FAS: variants seen among roughly 807,000 people sequenced by gnomAD.
FAS encodes tumor necrosis factor receptor superfamily member 6.
A neutral mutation model predicts 33.2 loss-of-function variants in FAS; 5 were observed. The observed-to-expected ratio is 0.15, with a 90% CI of 0.08 to 0.32. The LOEUF is 0.32. FAS is among the 10% of genes least tolerant of loss of function. The probability of loss-of-function intolerance (pLI) is 1.00; values close to 1 mark genes in which losing one functional copy is unlikely to be tolerated. For synonymous variants in FAS, 131 were observed against 130.7 expected (o/e 1.00, Z -0.01); for missense variants, 339 against 386.0 (o/e 0.88, Z 1.02).
chr10:88,973,194 C>T (rs561362397), exon 2 of FAS: 3 of 1,612,226 alleles, frequency 1.9e-6, no homozygotes, highest in South Asian at 1.1e-5. Context: ...TCAGAAATTC[C>T]TTTCTGGGAT....
At chr10:88,989,473 T>C, upstream of FAS, 1 of 543,090 alleles carries the variant, frequency 1.8e-6, no homozygotes, top group South Asian at 1.4e-5. Flanking sequence ...TATTAGATGC[T>C]CAGAGTGTGT....
At chr10:88,997,787 G>A (rs1847687456) in intron 1 of FAS, among the ~76,000 whole-genome samples, 1 of 152,156 alleles carries the variant, frequency 6.6e-6, no homozygotes, top group Non-Finnish European at 1.5e-5. Context: ...AAGCAGACAA[G>A]CAGAATTAGT....
At chr10:88,996,144 A>G (rs967473470) in intron 1 of FAS, among the ~76,000 whole-genome samples, 8 of 152,200 alleles carry the variant, frequency 5.3e-5, no homozygotes, top group Non-Finnish European at 1.0e-4. Flanking sequence ...TTGTGAGGGC[A>G]GATATCTTGA....
At chr10:88,993,109 C>T (rs1336631033) in intron 1 of FAS, among the ~76,000 whole-genome samples, 1 of 152,188 alleles carries the variant, frequency 6.6e-6, no homozygotes, top group Non-Finnish European at 1.5e-5. Flanking sequence ...CATCCTTAAC[C>T]CCTTTTGCTT....
intron 1 of FAS, chr10:88,991,219 G>C: frequency 1.8e-6 from 1 of 542,258 alleles, no homozygotes; most frequent in South Asian, 2.0e-5. Flanking sequence ...TGAGGTGGGC[G>C]TGGGGTGCGG....
intron 1 of FAS, among the ~76,000 whole-genome samples, chr10:88,995,494 C>G (rs563243644): frequency 6.6e-6 from 1 of 152,090 alleles, no homozygotes; most frequent in African/African-American, 2.4e-5. Flanking sequence ...AGCCTGAGTC[C>G]CACTAAGTAG....
intron 7 of FAS, 106 bp from the exon 8 acceptor site, chr10:89,013,237 G>C: frequency 1.9e-6 from 2 of 1,077,158 alleles, no homozygotes; most frequent in Non-Finnish European, 2.8e-6. Context: ...TCAAGCAACT[G>C]ATTGTACTTC....
Position 89,014,649 on chromosome 10 carries a change from A to G in FAS, c.*199A>G. The G allele has an allele frequency of 1.4e-6, 1 of 707,572 alleles. No homozygotes were observed. 43.8% of individuals were successfully genotyped at this position (707,572 alleles called of 1,614,324 possible). On this transcript the variant is annotated 3_prime_UTR_variant, in exon 9 of 9. Coordinates refer to ENST00000652046, the MANE Select transcript of FAS (RefSeq NM_000043.6). ...ATGTTTAAAATCTAGTTGGGAAAAC[A>G]AACTTCATCAAGAGTAAATGCAGTG...
chr10:89,009,465 A>C (rs972542272), intron 4 of FAS, among the ~76,000 whole-genome samples: 1 of 152,256 alleles, frequency 6.6e-6, no homozygotes, highest in Non-Finnish European at 1.5e-5. Flanking sequence ...CATTATAGGC[A>C]GGGAAACAGC....
At chr10:88,988,427 TTTTTGTTTTG>T (rs1224526767), upstream of FAS, among the ~76,000 whole-genome samples, 4 of 9,566 alleles carry the variant, frequency 4.2e-4, no homozygotes, top group East Asian at 2.7e-3. Context: ...TTTTTTTTTT[TTTTTGTTTTG>T]TTTTTTATCT....
At chr10:88,997,821 C>A (rs2133437403) in intron 1 of FAS, among the ~76,000 whole-genome samples, 1 of 152,266 alleles carries the variant, frequency 6.6e-6, no homozygotes. Flanking sequence ...TTTCTTGCTC[C>A]ATTTTTGTCC....
Position 88,969,238 on chromosome 10 carries a change from T to C in FAS, n.95-3944T>C, listed in dbSNP as rs1358756382. Among the ~76,000 whole-genome samples, 11 of 152,204 alleles carry C rather than the reference T, an allele frequency of 7.2e-5. 1 individual carries two copies. Among genetic ancestry groups the C allele is most frequent in the Admixed American group, 7.2e-4 (11 of 15,276 alleles). On this transcript the variant is annotated intron_variant and non_coding_transcript_variant, in intron 1 of 3. Coordinates refer to the FAS transcript ENST00000688239. ...ATAGGATCAGCATAGATTTCCGTAA[T>C]GTCCAAATTACCTTGCCATTTCTTT...
intron 1 of FAS, among the ~76,000 whole-genome samples, chr10:88,995,060 C>T (rs1447337787): frequency 6.7e-6 from 1 of 149,406 alleles, no homozygotes; most frequent in Non-Finnish European, 1.5e-5. Flanking sequence ...ACTACAATAG[C>T]CTTAGTGTGT....
At chr10:89,011,973 T>G in intron 6 of FAS, 26 bp from the exon 7 acceptor site, 2 of 1,596,982 alleles carry the variant, frequency 1.3e-6, no homozygotes, top group Non-Finnish European at 1.7e-6. Context: ...GAGACCTGAG[T>G]TGATAAAATT....
rs1571019 is a variant in FAS, at chr10:89,013,546, A to G, written c.676+179A>G. Reference sequence around the variant, plus strand: ...GGCAGTTTGTTTAAATTTATAATGAATACTCATAGTTAAAAATAATCAAGT... The same window carrying G: ...GGCAGTTTGTTTAAATTTATAATGAGTACTCATAGTTAAAAATAATCAAGT... On this transcript the variant is annotated intron_variant, in intron 8 of 8. Transcript: ENST00000652046. Among the ~76,000 whole-genome samples the G allele has an allele frequency of 0.45, 67,982 of 152,028 alleles. 15,225 individuals carry two copies. The highest frequency in any genetic ancestry group is 0.52 in the East Asian group (2,699 of 5,178).
At chr10:88,982,719 C>T (rs1326716931), upstream of FAS, among the ~76,000 whole-genome samples, 3 of 152,058 alleles carry the variant, frequency 2.0e-5, no homozygotes. Context: ...AGACTTGTTT[C>T]TGCTAAGTAA....
At chr10:89,005,057 T>C (rs983450599) in intron 2 of FAS, among the ~76,000 whole-genome samples, 6 of 152,126 alleles carry the variant, frequency 3.9e-5, no homozygotes, top group Non-Finnish European at 8.8e-5. Context: ...TGCTAAAATG[T>C]TGTTGATGAA....
intron 1 of FAS, among the ~76,000 whole-genome samples, chr10:88,997,608 G>A (rs1847676988): frequency 6.6e-6 from 1 of 151,994 alleles, no homozygotes; most frequent in Non-Finnish European, 1.5e-5. Context: ...TTCTATTTCA[G>A]GTTTTCAATA....
At chr10:88,991,828 C>T (rs763316480) in intron 1 of FAS, among the ~76,000 whole-genome samples, 2 of 152,166 alleles carry the variant, frequency 1.3e-5, no homozygotes, top group East Asian at 1.9e-4. Context: ...AAGTCCCTCG[C>T]TCAGAAATGC....
Sources: gnomAD v4.1 joint callset for allele counts (sites outside exome capture counted in the v4.1 genomes callset) on GRCh38, gnomAD v4.1.1 for gene constraint, MANE v1.5 for transcripts, NCBI Gene and HGNC (gene_info 2026-07-23, HGNC 2026-07-21) for gene names.